The following RBM47 variants were observed in gnomAD, a reference collection of about 807,000 sequenced individuals.
RBM47 encodes RNA binding motif protein 47.
A neutral mutation model predicts 47.1 loss-of-function variants in RBM47; 21 were observed. The ratio of observed to expected loss-of-function variants is 0.45; its 90% CI spans 0.32 to 0.64. The LOEUF (loss-of-function observed/expected upper bound fraction) is 0.64, where lower values mean the gene tolerates loss of function less well. Ranked by LOEUF, RBM47 falls within the 30% of genes least tolerant of loss-of-function variation. The pLI is 0.05. For missense variants in RBM47, 708 were observed against 870.9 expected (o/e 0.81, Z 2.35); for synonymous variants, 375 against 361.7 (o/e 1.04, Z -0.42).
chr4:40,580,367 A>G (rs962631573), intron 1 of RBM47, among the ~76,000 whole-genome samples: 2 of 151,996 alleles, frequency 1.3e-5, no homozygotes, highest in Non-Finnish European at 2.9e-5. Context: ...TACTCTCCTC[A>G]TTTGGAACCT....
At chr4:40,523,460 G>A (rs1726403499) in intron 2 of RBM47, among the ~76,000 whole-genome samples, 2 of 151,954 alleles carry the variant, frequency 1.3e-5, no homozygotes, top group Non-Finnish European at 1.5e-5. Context: ...AGACCAACCC[G>A]GCCAACATGG....
intron 1 of RBM47, among the ~76,000 whole-genome samples, chr4:40,567,228 C>T (rs942078180): frequency 4.6e-5 from 7 of 151,896 alleles, no homozygotes; most frequent in Admixed American, 3.3e-4. Context: ...GTGTCACTTT[C>T]TAACAACTTC....
intron 1 of RBM47, among the ~76,000 whole-genome samples, chr4:40,579,409 G>A (rs1180229828): frequency 3.8e-5 from 4 of 104,956 alleles, no homozygotes; most frequent in South Asian, 3.5e-4. Context: ...GTGACAGAGC[G>A]AGACCCTGTC....
chr4:40,480,739 TTCTG>T (rs1720273510), intron 2 of RBM47, among the ~76,000 whole-genome samples: 1 of 152,190 alleles, frequency 6.6e-6, no homozygotes, highest in African/African-American at 2.4e-5. Context: ...GGCGATCCCT[TTCTG>T]TCTGTCCCTC....
At chr4:40,469,018 A>G (rs1718459607) in intron 2 of RBM47, among the ~76,000 whole-genome samples, 1 of 152,240 alleles carries the variant, frequency 6.6e-6, no homozygotes, top group African/African-American at 2.4e-5. Flanking sequence ...AGTATATTCA[A>G]CTTTCCTGAG....
chr4:40,579,095 G>A (rs564355296), intron 1 of RBM47, among the ~76,000 whole-genome samples: 22 of 150,438 alleles, frequency 1.5e-4, no homozygotes, highest in Non-Finnish European at 1.3e-4. Context: ...CTCCAGCCTG[G>A]GCAACAGAGC....
In RBM47 at chr4:40,584,746, C is replaced by T. The variant is rs1210102324; in HGVS notation, c.-239-40240G>A. 3.9e-5 allele frequency among the ~76,000 whole-genome samples: 6 copies of T among 152,232 alleles called. No individual in the cohort carries two copies. In the East Asian group the frequency reaches 1.2e-3, roughly 29 times the overall value. ...GTTTAACAAAAAAAAATGTACATGG[C>T]TTCAGTTTTTAAATTCAAATTAATT... On this transcript the variant is annotated intron_variant, in intron 1 of 6. Transcript: ENST00000295971.
chr4:40,517,016 CTT>C (rs1259452383), intron 2 of RBM47, among the ~76,000 whole-genome samples: 1 of 152,186 alleles, frequency 6.6e-6, no homozygotes, highest in Non-Finnish European at 1.5e-5. Context: ...TCACAGAAGT[CTT>C]TCCCATGAGC....
intron 3 of RBM47, among the ~76,000 whole-genome samples, chr4:40,462,974 T>G (rs1477899658): frequency 6.6e-6 from 1 of 152,182 alleles, no homozygotes; most frequent in Non-Finnish European, 1.5e-5. Context: ...TAATAACTTT[T>G]GTGCACCAAA....
intron 2 of RBM47, among the ~76,000 whole-genome samples, chr4:40,498,874 C>T (rs775020437): frequency 4.6e-5 from 7 of 151,876 alleles, no homozygotes; most frequent in Non-Finnish European, 1.0e-4. Context: ...GGAGCAACCC[C>T]GTCTCTACTA....
intron 2 of RBM47, among the ~76,000 whole-genome samples, chr4:40,507,471 G>A (rs1181784942): frequency 1.3e-5 from 2 of 152,288 alleles, no homozygotes; most frequent in Middle Eastern, 3.4e-3. Flanking sequence ...AAAATAACAA[G>A]TATTCATAAG....
intron 1 of RBM47, among the ~76,000 whole-genome samples, chr4:40,579,423 GAAAAAAA>G (rs10653342): frequency 9.8e-6 from 1 of 102,010 alleles, no homozygotes; most frequent in Non-Finnish European, 1.8e-5. Context: ...CCCTGTCTCA[GAAAAAAA>G]AAAAAAAAAA....
chr4:40,435,681 GCAATAAGCTCTAC>G (rs1712221038), intron 5 of RBM47, among the ~76,000 whole-genome samples: 1 of 152,106 alleles, frequency 6.6e-6, no homozygotes, highest in South Asian at 2.1e-4. Context: ...TCAGAATGGG[GCAATAAGCTCTAC>G]CCTCCGACTT....
intron 2 of RBM47, among the ~76,000 whole-genome samples, chr4:40,509,202 T>A (rs1220918042): frequency 7.1e-6 from 1 of 141,464 alleles, no homozygotes; most frequent in Admixed American, 6.9e-5. Flanking sequence ...AATAATATAT[T>A]TTTTTCAAAG....
At chr4:40,517,103 C>G (rs1186457348) in intron 2 of RBM47, among the ~76,000 whole-genome samples, 1 of 146,758 alleles carries the variant, frequency 6.8e-6, no homozygotes, top group Non-Finnish European at 1.5e-5. Context: ...ATCCCTCCCT[C>G]CCTCCCCACC....
chr4:40,620,458 T>TCATG (rs932083992), intron 1 of RBM47, among the ~76,000 whole-genome samples: 18 of 151,944 alleles, frequency 1.2e-4, no homozygotes, highest in African/African-American at 4.1e-4. Flanking sequence ...TGAGCCGAGA[T>TCATG]CATGCCATGG....
At chr4:40,445,246 C>T (rs1465417936) in intron 3 of RBM47, among the ~76,000 whole-genome samples, 5 of 148,490 alleles carry the variant, frequency 3.4e-5, no homozygotes, top group Non-Finnish European at 5.9e-5. Context: ...TGCACTCCAG[C>T]CTGGGCGACA....
intron 1 of RBM47, among the ~76,000 whole-genome samples, chr4:40,576,575 C>A (rs1373505144): frequency 6.6e-6 from 1 of 151,952 alleles, no homozygotes; most frequent in African/African-American, 2.4e-5. Flanking sequence ...TGTCATTTTT[C>A]TTTTTTAAAA....
At chr4:40,568,215 C>T (rs974569305) in intron 1 of RBM47, among the ~76,000 whole-genome samples, 8 of 151,534 alleles carry the variant, frequency 5.3e-5, no homozygotes, top group African/African-American at 1.9e-4. Context: ...CAATTGAGCT[C>T]AGAAGTTCGA....
Sources: gnomAD v4.1 joint callset for allele counts (sites outside exome capture counted in the v4.1 genomes callset) on GRCh38, gnomAD v4.1.1 for gene constraint, MANE v1.5 for transcripts, NCBI Gene and HGNC (gene_info 2026-07-23, HGNC 2026-07-21) for gene names.